The following ANKRD31 variants were observed in gnomAD, a reference collection of about 807,000 sequenced individuals.
The protein encoded by ANKRD31 is ankyrin repeat domain-containing protein 31.
A neutral mutation model predicts 186.0 loss-of-function variants in ANKRD31; 147 were observed. That is an observed-to-expected ratio of 0.79 (90% confidence interval 0.69 to 0.91). The LOEUF (loss-of-function observed/expected upper bound fraction) is 0.91. Ranked by LOEUF, ANKRD31 falls within the 40% of genes least tolerant of loss-of-function variation. The pLI is 0.00. For missense variants in ANKRD31, 1,986 were observed against 2,148.8 expected (o/e 0.92, Z 1.50); for synonymous variants, 673 against 736.4 (o/e 0.91, Z 1.39).
At position 75,147,469 on chromosome 5, in the gene ANKRD31, C is replaced by A; in HGVS notation, c.1942G>T (p.Val648Phe). 1 of 1,481,692 alleles carries A rather than the reference C, an allele frequency of 6.7e-7. No individual in the cohort carries two copies. 91.8% of individuals were successfully genotyped at this position (1,481,692 alleles called of 1,614,324 possible). ...TGTCTGTTGGAATTTTCATTATAAA[C>A]ATGCCAAATGTGACTTTTAGAACTG... ...KFSSKSHIWH[V>F]YNENSNRQKL... Residue 648 changes from valine to phenylalanine, a missense_variant, in exon 14 of 26, where the codon GTT (valine) becomes TTT (phenylalanine). Coordinates refer to ENST00000506364, the MANE Select transcript of ANKRD31 (RefSeq NM_001372053.1).
chr5:75,116,655 T>C lies in ANKRD31; in HGVS notation c.4066A>G (p.Arg1356Gly). ...NEKIPAVRSK[R>G]HKQCFCDDGK... ...TCATCACAAAAACACTGTTTATGTC[T>C]TTTAGACCGGACAGCAGGAATTTTT... The change falls in exon 19 of 26, where the codon AGA (arginine) becomes GGA (glycine). Residue 1356 changes from arginine (R) to glycine (G), a missense_variant. Transcript: ENST00000506364. 1 of 1,439,436 alleles carries C rather than the reference T, an allele frequency of 6.9e-7. No homozygotes were observed. The highest frequency in any genetic ancestry group is 9.2e-7 in the Non-Finnish European group (1 of 1,088,364). 89.2% of individuals were successfully genotyped at this position (1,439,436 alleles called of 1,614,324 possible).
At chr5:75,166,387 C>A (rs1485352089) in intron 11 of ANKRD31, among the ~76,000 whole-genome samples, 2 of 152,130 alleles carry the variant, frequency 1.3e-5, no homozygotes, top group African/African-American at 4.8e-5. Flanking sequence ...ACAAGAAGCG[C>A]TTGAGCCTAG....
At chr5:75,143,648 GTTTC>G (rs2150139396) in intron 15 of ANKRD31, among the ~76,000 whole-genome samples, 1 of 152,210 alleles carries the variant, frequency 6.6e-6, no homozygotes, top group African/African-American at 2.4e-5. Context: ...TAATGGCTAT[GTTTC>G]TTTAATTTCC....
intron 9 of ANKRD31, among the ~76,000 whole-genome samples, chr5:75,190,288 T>C (rs1210245748): frequency 1.3e-5 from 2 of 152,310 alleles, no homozygotes; most frequent in Admixed American, 6.5e-5. Flanking sequence ...CCCAAAGTAC[T>C]GCGACTCTAG....
At chr5:75,131,718 G>T (rs528627973) in intron 17 of ANKRD31, among the ~76,000 whole-genome samples, 1 of 152,310 alleles carries the variant, frequency 6.6e-6, no homozygotes, top group Admixed American at 6.5e-5. Context: ...CTCCTCAAGT[G>T]GGTCTGTGAC....
chr5:75,102,558 C>T (rs950144704), intron 22 of ANKRD31, among the ~76,000 whole-genome samples: 1 of 152,226 alleles, frequency 6.6e-6, no homozygotes, highest in African/African-American at 2.4e-5. Context: ...TGAAGGCCTC[C>T]TTGAGCTGTG....
At chr5:75,140,234 A>AGAAG (rs146909283) in intron 15 of ANKRD31, among the ~76,000 whole-genome samples, 15,249 of 101,556 alleles carry the variant, frequency 0.15, 1,171 homozygotes, top group East Asian at 0.24. Flanking sequence ...AAAGAAAGAA[A>AGAAG]GAAGGAAGGA....
In ANKRD31 at chr5:75,181,548, T is replaced by C. The variant is rs569183540; in HGVS notation, c.1564+6945A>G. On this transcript the variant is annotated intron_variant, in intron 10 of 25. Transcript: ENST00000506364. ...GGCACATATACACCATGGAATACTA[T>C]GCAGCCATAAAAATGATGAGTTCAT... 1.4e-4 allele frequency among the ~76,000 whole-genome samples: 21 copies of C among 152,188 alleles called. No homozygotes were observed. The East Asian group carries it at 4.1e-3, about 29-fold the overall frequency.
chr5:75,178,075 G>A (rs550235963), intron 10 of ANKRD31, among the ~76,000 whole-genome samples: 60 of 152,050 alleles, frequency 3.9e-4, no homozygotes, highest in Non-Finnish European at 7.6e-4. Flanking sequence ...AAAGGCAGGG[G>A]TTGCAATCTG....
intron 25 of ANKRD31, among the ~76,000 whole-genome samples, chr5:75,079,859 T>C (rs1187966259): frequency 1.3e-5 from 2 of 152,074 alleles, no homozygotes; most frequent in African/African-American, 4.8e-5. Context: ...TCCCAGAACT[T>C]TGTGAGGCTG....
Position 75,107,632 on chromosome 5 carries a change from A to T in ANKRD31, c.4244-15T>A. On this transcript the variant is annotated splice_polypyrimidine_tract_variant and intron_variant, in intron 20 of 25. Transcript: ENST00000506364. ...AATGTATTGTTCTAGAAACATGACA[A>T]TAAAAAGTTAGCTAACTGAGGGAGA... The T allele has an allele frequency of 6.9e-7, 1 of 1,455,128 alleles. No homozygotes were observed. Among genetic ancestry groups the T allele is most frequent in the Non-Finnish European group, 9.2e-7 (1 of 1,090,938 alleles). The allele number at this position is 1,455,128 out of a possible 1,614,324, so 90.1% of individuals were successfully genotyped here.
intron 2 of ANKRD31, among the ~76,000 whole-genome samples, chr5:75,226,066 C>A (rs936886049): frequency 1.3e-5 from 2 of 152,194 alleles, no homozygotes; most frequent in Non-Finnish European, 2.9e-5. Context: ...TGGGGTGAGG[C>A]TCTCCTACCT....
rs184964848 is a variant in ANKRD31 at position 75,154,257 on chromosome 5, C to T, written c.1796G>A (p.Cys599Tyr). The T allele has an allele frequency of 1.8e-5, 27 of 1,535,006 alleles. No homozygotes were observed. The highest frequency in any genetic ancestry group is 1.7e-4 in the East Asian group (7 of 40,792). The change falls in exon 12 of 26, where the codon TGT (cysteine) becomes TAT (tyrosine). Residue 599 changes from cysteine (C) to tyrosine (Y), a missense_variant. Cys to Tyr is a radical substitution (Grantham distance 194). Coordinates refer to ENST00000506364, the MANE Select transcript of ANKRD31 (RefSeq NM_001372053.1). ...ATATCTCTCAAGGAGACGCTTCATA[C>T]ATAAATCCTTGGCCTCATCCAAAGC... ...KCALDEAKDL[C>Y]MKRLLERYIP...
rs1257122712 is a variant in ANKRD31 at position 75,104,956 on chromosome 5, C to A, written c.4603G>T (p.Val1535Phe). The stretch of plus-strand genomic sequence containing the variant: ...TGTGTTTCCTGCATGCTTCCAGAAA[C>A]AGGAGAAAGTGAACCTGATTGGGGA... ...EHPQSGSLSP[V>F]SGSMQETQLS... Residue 1535 changes from valine (V) to phenylalanine (F), a missense_variant, in exon 22 of 26, where the codon GTT (valine) becomes TTT (phenylalanine). By Grantham distance (50) the Val-to-Phe change is conservative. Coordinates refer to ENST00000506364, the MANE Select transcript of ANKRD31 (RefSeq NM_001372053.1). 4 of 1,537,060 alleles carry A rather than the reference C, an allele frequency of 2.6e-6. No individual in the cohort carries two copies. Among genetic ancestry groups the A allele is most frequent in the Non-Finnish European group, 3.5e-6 (4 of 1,146,864 alleles).
intron 23 of ANKRD31, 55 bp from the exon 24 acceptor site, chr5:75,084,429 A>AGGTGTATTTC: frequency 1.6e-6 from 2 of 1,227,250 alleles, no homozygotes; most frequent in Non-Finnish European, 2.3e-6. Flanking sequence ...AGAAGGAAAT[A>AGGTGTATTTC]CACCTATGTC....
At chr5:75,209,515 A>G (rs1756472436) in intron 4 of ANKRD31, among the ~76,000 whole-genome samples, 1 of 152,106 alleles carries the variant, frequency 6.6e-6, no homozygotes. Flanking sequence ...TGTCTCTACT[A>G]AAAATACAAA....
At chr5:75,075,021 T>C (rs1411239902) in intron 25 of ANKRD31, among the ~76,000 whole-genome samples, 3 of 152,350 alleles carry the variant, frequency 2.0e-5, no homozygotes, top group African/African-American at 7.2e-5. Flanking sequence ...TTCTTAAAAA[T>C]CACAACATAT....
At chr5:75,125,462 T>C (rs1362404282) in intron 17 of ANKRD31, among the ~76,000 whole-genome samples, 3 of 152,154 alleles carry the variant, frequency 2.0e-5, no homozygotes, top group African/African-American at 7.2e-5. Flanking sequence ...TCGAGATTAA[T>C]TTAGCAAACT....
chr5:75,130,181 G>A (rs921179303), intron 17 of ANKRD31, among the ~76,000 whole-genome samples: 1 of 152,116 alleles, frequency 6.6e-6, no homozygotes, highest in Non-Finnish European at 1.5e-5. Context: ...TCTTAAAGGT[G>A]GCACGTCTGG....
Sources: gnomAD v4.1 joint callset for allele counts (sites outside exome capture counted in the v4.1 genomes callset) on GRCh38, gnomAD v4.1.1 for gene constraint, MANE v1.5 for transcripts, NCBI Gene and HGNC (gene_info 2026-07-23, HGNC 2026-07-21) for gene names.